Variants in TENM2 observed in about 807,000 individuals in gnomAD.
TENM2 encodes teneurin transmembrane protein 2, also known as teneurin-2.
Under a neutral mutation model 245.2 loss-of-function variants are expected in TENM2, and 52 were observed. The ratio of observed to expected loss-of-function variants is 0.21; its 90% CI spans 0.17 to 0.27. The LOEUF is 0.27. Among genes scored for constraint, TENM2 ranks in the 10% least tolerant of loss-of-function variants. TENM2 has a pLI of 1.00. For missense variants in TENM2, 3,046 were observed against 3,666.8 expected (o/e 0.83, Z 4.37); for synonymous variants, 1,363 against 1,438.9 (o/e 0.95, Z 1.19).
chr5:168,026,288 G>A (rs970529817), intron 5 of TENM2, among the ~76,000 whole-genome samples: 1 of 152,134 alleles, frequency 6.6e-6, no homozygotes, highest in Non-Finnish European at 1.5e-5. Flanking sequence ...ATTCACTGAC[G>A]TGAGGATTAG....
At chr5:167,058,770 A>G in the TENM2 span, among the ~76,000 whole-genome samples, 1 of 152,204 alleles carries the variant, frequency 6.6e-6, no homozygotes, top group Non-Finnish European at 1.5e-5. Flanking sequence ...GGGCGGGGAA[A>G]AAAAAGAAGA....
At chr5:167,632,305 G>T (rs1305023838) in intron 2 of TENM2, among the ~76,000 whole-genome samples, 2 of 152,054 alleles carry the variant, frequency 1.3e-5, no homozygotes, top group African/African-American at 2.4e-5. Flanking sequence ...AATATATCAG[G>T]TTACCCCTCA....
At chr5:167,172,665 C>T in the TENM2 span, among the ~76,000 whole-genome samples, 3 of 147,732 alleles carry the variant, frequency 2.0e-5, no homozygotes, top group Non-Finnish European at 4.4e-5. Flanking sequence ...CACTCTGTTG[C>T]CTAGGTTGGA....
intron 2 of TENM2, among the ~76,000 whole-genome samples, chr5:167,426,680 T>C (rs562478572): frequency 6.6e-6 from 1 of 152,288 alleles, no homozygotes; most frequent in African/African-American, 2.4e-5. Context: ...ACTGAACTGA[T>C]CTGTCAGATC....
intron 1 of TENM2, among the ~76,000 whole-genome samples, chr5:167,371,316 T>A (rs796183648): frequency 1.3e-5 from 2 of 149,314 alleles, no homozygotes; most frequent in African/African-American, 4.9e-5. Context: ...CACCACGATG[T>A]GACCTCCATG....
At chr5:167,485,583 G>T (rs1164813588) in intron 2 of TENM2, among the ~76,000 whole-genome samples, 1 of 152,120 alleles carries the variant, frequency 6.6e-6, no homozygotes, top group Non-Finnish European at 1.5e-5. Context: ...CAGGAGGGGG[G>T]CAGGGAAATA....
intron 9 of TENM2, among the ~76,000 whole-genome samples, chr5:168,100,860 A>G (rs894790798): frequency 1.3e-5 from 2 of 151,942 alleles, no homozygotes; most frequent in East Asian, 3.9e-4. Context: ...GCAGCAAACC[A>G]TATGTATACC....
chr5:167,816,758 A>T (rs1044168910), intron 2 of TENM2, among the ~76,000 whole-genome samples: 1 of 152,228 alleles, frequency 6.6e-6, no homozygotes, highest in African/African-American at 2.4e-5. Flanking sequence ...CCTGTGTTTT[A>T]TAACAAGCAT....
the TENM2 span, among the ~76,000 whole-genome samples, chr5:167,057,654 A>G: frequency 6.6e-6 from 1 of 152,164 alleles, no homozygotes; most frequent in South Asian, 2.1e-4. Flanking sequence ...ACTGGAGTTG[A>G]TATTTCTCTT....
intron 9 of TENM2, among the ~76,000 whole-genome samples, chr5:168,115,820 C>A (rs1795041606): frequency 6.6e-6 from 1 of 152,156 alleles, no homozygotes. Flanking sequence ...TGCCTGCTTG[C>A]CGGTCTCAGC....
Position 167,635,633 on chromosome 5 carries a change from C to CTTTTTTTTTTTTTTTTTTTTTTTTTTTT in TENM2, c.503-240351_503-240324dup, listed in dbSNP as rs76155764. 5.1e-4 allele frequency among the ~76,000 whole-genome samples: 38 copies of CTTTTTTTTTTTTTTTTTTTTTTTTTTTT among 74,940 alleles called. 5 individuals carry two copies. Among genetic ancestry groups the CTTTTTTTTTTTTTTTTTTTTTTTTTTTT allele is most frequent in the African/African-American group, 1.0e-3 (17 of 16,864 alleles). 49.2% of individuals were successfully genotyped at this position (74,940 alleles called of 152,430 possible). Reference sequence around the variant, plus strand: ...GGAATCTGGCTATGATCAGTACAGTCTTTTTTTTTTTTTTTTTTTTTTTTT... The same window carrying CTTTTTTTTTTTTTTTTTTTTTTTTTTTT: ...GGAATCTGGCTATGATCAGTACAGTCTTTTTTTTTTTTTTTTTTTTTTTTTTTTTTTTTTTTTTTTTTTTTTTTTTTTT... On this transcript the variant is annotated intron_variant, in intron 2 of 28. Transcript: ENST00000518659.
the TENM2 span, among the ~76,000 whole-genome samples, chr5:167,019,935 G>T: frequency 6.6e-6 from 1 of 152,014 alleles, no homozygotes; most frequent in Non-Finnish European, 1.5e-5. Context: ...CTAGTTCTTT[G>T]GGGACAAGAG....
intron 2 of TENM2, among the ~76,000 whole-genome samples, chr5:167,726,909 C>T (rs1760048988): frequency 6.6e-6 from 1 of 152,024 alleles, no homozygotes; most frequent in African/African-American, 2.4e-5. Flanking sequence ...AAATTGATTG[C>T]TTTGAATTTC....
chr5:167,880,784 C>T (rs1773815514), intron 3 of TENM2, among the ~76,000 whole-genome samples: 1 of 152,172 alleles, frequency 6.6e-6, no homozygotes, highest in Non-Finnish European at 1.5e-5. Context: ...AAGGGCAAAA[C>T]TTGACTTGAT....
the TENM2 span, among the ~76,000 whole-genome samples, chr5:167,149,444 G>C: frequency 6.6e-6 from 1 of 151,636 alleles, no homozygotes; most frequent in Non-Finnish European, 1.5e-5. Flanking sequence ...TTTTAAAGAA[G>C]ATTACATTCC....
chr5:167,161,999 C>T, the TENM2 span, among the ~76,000 whole-genome samples: 2 of 151,874 alleles, frequency 1.3e-5, no homozygotes, highest in Admixed American at 6.6e-5. Context: ...ATACCTGTCT[C>T]TACTAAAAAT....
At chr5:168,199,784 G>GCAGA in intron 16 of TENM2, 80 bp from the exon 19 acceptor site, 1 of 1,468,558 alleles carries the variant, frequency 6.8e-7, no homozygotes, top group Non-Finnish European at 9.2e-7. Flanking sequence ...GAGGGACATA[G>GCAGA]CAGACAGACA....
At chr5:167,646,573 C>T (rs1275926299) in intron 2 of TENM2, among the ~76,000 whole-genome samples, 1 of 151,626 alleles carries the variant, frequency 6.6e-6, no homozygotes, top group Non-Finnish European at 1.5e-5. Context: ...TTCTTGGTGG[C>T]GATCCTGCTT....
intron 2 of TENM2, among the ~76,000 whole-genome samples, chr5:167,456,386 T>C (rs1185216737): frequency 6.6e-6 from 1 of 152,214 alleles, no homozygotes; most frequent in South Asian, 2.1e-4. Context: ...TAAGCACTGA[T>C]GAATCAAATT....
Sources: gnomAD v4.1 joint callset for allele counts (sites outside exome capture counted in the v4.1 genomes callset) on GRCh38, gnomAD v4.1.1 for gene constraint, MANE v1.5 for transcripts, NCBI Gene and HGNC (gene_info 2026-07-23, HGNC 2026-07-21) for gene names.